The following ANO3 variants were observed in gnomAD, a reference collection of about 807,000 sequenced individuals.
ANO3 encodes the protein anoctamin-3.
Under a neutral mutation model 144.8 loss-of-function variants are expected in ANO3, and 99 were observed. That is an observed-to-expected ratio of 0.68 (90% CI 0.58 to 0.81). The LOEUF is 0.81. ANO3 is among the 30% of genes least tolerant of loss of function. The pLI, the probability that ANO3 is intolerant of heterozygous loss-of-function variation, is 0.00. For missense variants in ANO3, 905 were observed against 1,202.2 expected, an observed-to-expected ratio of 0.75 and a Z score of 3.66; for synonymous variants, 414 against 392.6, an observed-to-expected ratio of 1.05 and a Z score of -0.64.
chr11:26,466,865 T>G (rs1435178566), intron 4 of ANO3, among the ~76,000 whole-genome samples: 1 of 151,978 alleles, frequency 6.6e-6, no homozygotes, highest in African/African-American at 2.4e-5. Flanking sequence ...AAGTTAATTC[T>G]TCCTCAGTGT....
intron 1 of ANO3, among the ~76,000 whole-genome samples, chr11:26,346,476 C>G (rs897261562): frequency 1.1e-4 from 17 of 152,156 alleles, no homozygotes; most frequent in African/African-American, 4.1e-4. Context: ...TCATTGCATG[C>G]TATTCTAAAC....
intron 24 of ANO3, among the ~76,000 whole-genome samples, chr11:26,654,909 T>C (rs1224342876): frequency 2.0e-5 from 3 of 152,188 alleles, no homozygotes; most frequent in East Asian, 1.9e-4. Flanking sequence ...TTTTATATGA[T>C]AGAAAAAACC....
At chr11:26,619,137 C>G (rs1445395465) in intron 17 of ANO3, among the ~76,000 whole-genome samples, 1 of 152,090 alleles carries the variant, frequency 6.6e-6, no homozygotes, top group Non-Finnish European at 1.5e-5. Context: ...ATTTTATTCA[C>G]CAAATATCTT....
intron 24 of ANO3, among the ~76,000 whole-genome samples, chr11:26,651,392 C>G (rs72881767): frequency 0.024 from 3,682 of 152,162 alleles, 54 homozygotes; most frequent in South Asian, 0.04. Flanking sequence ...TTAAAATAGT[C>G]AATACATGAG....
At chr11:26,615,357 C>A (rs1026505962) in intron 17 of ANO3, among the ~76,000 whole-genome samples, 4 of 148,892 alleles carry the variant, frequency 2.7e-5, no homozygotes, top group Non-Finnish European at 4.4e-5. Context: ...TCCCTCTCTC[C>A]CCTGGCTTTC....
At chr11:26,476,932 TGAGAGAGAGA>T (rs34338490) in intron 4 of ANO3, among the ~76,000 whole-genome samples, 1 of 133,958 alleles carries the variant, frequency 7.5e-6, no homozygotes, top group South Asian at 2.5e-4. Flanking sequence ...TGTGTGTGTG[TGAGAGAGAGA>T]GAGAGAGAGA....
chr11:26,235,919 T>C (rs1852512012), intron 1 of ANO3, among the ~76,000 whole-genome samples: 1 of 152,138 alleles, frequency 6.6e-6, no homozygotes, highest in Non-Finnish European at 1.5e-5. Context: ...ATCTCACACA[T>C]CTCTTGAAAG....
chr11:26,378,648 TA>T (rs376206197), intron 1 of ANO3, among the ~76,000 whole-genome samples: 1 of 152,026 alleles, frequency 6.6e-6, no homozygotes, highest in East Asian at 1.9e-4. Flanking sequence ...CGGTTTCAAT[TA>T]AAATAAAATG....
At chr11:26,357,033 A>G (rs979704542) in intron 1 of ANO3, among the ~76,000 whole-genome samples, 1 of 152,210 alleles carries the variant, frequency 6.6e-6, no homozygotes, top group Non-Finnish European at 1.5e-5. Flanking sequence ...CCCTTTTGCT[A>G]TATAAGGTTA....
At chr11:26,495,997 T>C (rs1860922762) in intron 4 of ANO3, among the ~76,000 whole-genome samples, 1 of 152,230 alleles carries the variant, frequency 6.6e-6, no homozygotes. Flanking sequence ...TTCTTTGATA[T>C]AGAGGTCTGA....
chr11:26,316,217 G>A (rs1854622335), intron 1 of ANO3, among the ~76,000 whole-genome samples: 1 of 152,154 alleles, frequency 6.6e-6, no homozygotes, highest in African/African-American at 2.4e-5. Context: ...ACACAAGATA[G>A]TGAAAGCTGG....
chr11:26,555,520 A>G (rs1426248197), intron 13 of ANO3, among the ~76,000 whole-genome samples: 2 of 152,172 alleles, frequency 1.3e-5, no homozygotes, highest in African/African-American at 2.4e-5. Context: ...TTCTGAACAG[A>G]GAAAGGTACA....
chr11:26,447,546 C>A (rs139826341), intron 3 of ANO3, among the ~76,000 whole-genome samples: 48 of 152,232 alleles, frequency 3.2e-4, no homozygotes, highest in African/African-American at 1.1e-3. Flanking sequence ...TCCAAAGACA[C>A]TAGTTCTGTA....
intron 4 of ANO3, among the ~76,000 whole-genome samples, chr11:26,485,428 G>T (rs1860407006): frequency 6.6e-6 from 1 of 151,894 alleles, no homozygotes; most frequent in South Asian, 2.1e-4. Context: ...GGCCATATAA[G>T]TCATGACTCC....
Position 26,598,980 on chromosome 11 carries a change from C to T in ANO3, c.1653C>T (p.Val551=). ...AAGTCACTCGTCTTCTTGTTTCTGTCTCAGGAATATTCTTCATGGTAAAGT... is the reference window on the plus strand; with the variant it reads ...AAGTCACTCGTCTTCTTGTTTCTGTTTCAGGAATATTCTTCATGGTAAAGT... ...SDKVTRLLVS[V]SGIFFMISLV... Residue 551 remains valine, a synonymous_variant, in exon 16 of 27, where the codon GTC becomes GTT. Coordinates refer to ENST00000256737, the MANE Select transcript of ANO3 (RefSeq NM_031418.4). 2 of 1,613,902 alleles carry T rather than the reference C, an allele frequency of 1.2e-6. No individual in the cohort carries two copies. The highest frequency in any genetic ancestry group is 1.7e-6 in the Non-Finnish European group (2 of 1,179,936).
rs150219099 is a variant in ANO3, at chr11:26,246,456, TTATA to T, written c.154+57148_154+57151del. Among the ~76,000 whole-genome samples the T allele has an allele frequency of 8.9e-3, 1,250 of 139,998 alleles. 16 individuals carry two copies. Among genetic ancestry groups the T allele is most frequent in the African/African-American group, 0.028 (1,080 of 38,324 alleles). 91.8% of individuals were successfully genotyped at this position (139,998 alleles called of 152,430 possible). On this transcript the variant is annotated intron_variant, in intron 1 of 27. Transcript: ENST00000672621. ...GAGAAATAGTATCTAAGTGTAGTCTTTATATATATATATATATATATATATTATG... is the reference window on the plus strand; with the variant it reads ...GAGAAATAGTATCTAAGTGTAGTCTTTATATATATATATATATATATTATG...
chr11:26,651,868 T>A (rs980986077), intron 24 of ANO3, among the ~76,000 whole-genome samples: 16 of 152,202 alleles, frequency 1.1e-4, no homozygotes, highest in African/African-American at 3.9e-4. Flanking sequence ...AAAATATATA[T>A]GTTTTAAGGT....
chr11:26,631,512 A>G (rs1320480235), intron 18 of ANO3, among the ~76,000 whole-genome samples: 1 of 152,158 alleles, frequency 6.6e-6, no homozygotes, highest in East Asian at 1.9e-4. Flanking sequence ...CTACCTATCT[A>G]TCCATCTATC....
chr11:26,634,426 A>G (rs1852885759), intron 19 of ANO3, 111 bp downstream of exon 19: 1 of 665,704 alleles, frequency 1.5e-6, no homozygotes, highest in Admixed American at 2.7e-5. Flanking sequence ...CAGCAGCTAA[A>G]GTTGGCACAA....
Sources: allele counts gnomAD v4.1 joint callset (sites outside exome capture counted in the v4.1 genomes callset), GRCh38; gene constraint gnomAD v4.1.1; transcripts MANE v1.5; gene names NCBI Gene and HGNC (gene_info 2026-07-23, HGNC 2026-07-21).